The following HS3ST4 variants were observed in gnomAD, a reference collection of about 807,000 sequenced individuals.
HS3ST4 encodes the protein heparan sulfate glucosamine 3-O-sulfotransferase 4.
Under a neutral mutation model 29.2 loss-of-function variants are expected in HS3ST4, and 17 were observed. The ratio of observed to expected loss-of-function variants is 0.58; its 90% CI spans 0.40 to 0.87. The LOEUF is 0.87. HS3ST4 is among the 40% of genes least tolerant of loss of function. HS3ST4 has a pLI of 0.00. For synonymous variants in HS3ST4, 314 were observed against 285.7 expected (o/e 1.10, Z -1.00); for missense variants, 627 against 634.5 (o/e 0.99, Z 0.13).
chr16:26,083,839 G>T (rs1898753341), intron 1 of HS3ST4, among the ~76,000 whole-genome samples: 1 of 152,200 alleles, frequency 6.6e-6, no homozygotes, highest in South Asian at 2.1e-4. Context: ...AGATTATAGG[G>T]CTACTTTATT....
intron 1 of HS3ST4, among the ~76,000 whole-genome samples, chr16:25,888,116 T>A (rs950431814): frequency 3.9e-5 from 6 of 152,186 alleles, no homozygotes; most frequent in African/African-American, 1.2e-4. Context: ...TGTGACTAAT[T>A]GCTTAATGTG....
At chr16:25,766,936 C>T (rs900055684) in intron 1 of HS3ST4, among the ~76,000 whole-genome samples, 4 of 152,160 alleles carry the variant, frequency 2.6e-5, no homozygotes, top group Non-Finnish European at 4.4e-5. Context: ...GGGCAAGAGC[C>T]TCCCACTTCC....
chr16:25,780,119 G>A (rs568791049), intron 1 of HS3ST4, among the ~76,000 whole-genome samples: 4 of 152,326 alleles, frequency 2.6e-5, no homozygotes, highest in Non-Finnish European at 5.9e-5. Flanking sequence ...CTGTGAATGA[G>A]TTCCTCAGTG....
intron 1 of HS3ST4, among the ~76,000 whole-genome samples, chr16:26,097,098 G>A (rs2141794032): frequency 6.6e-6 from 1 of 152,280 alleles, no homozygotes; most frequent in Non-Finnish European, 1.5e-5. Flanking sequence ...ACAAACAAAT[G>A]GAAGAACATT....
In HS3ST4 at chr16:26,113,530, C is replaced by A. The variant is rs182265911; in HGVS notation, c.735-22082C>A. ...TGTGTATGCAAGAGGAAGATAAACA[C>A]AAAATTCAGGAAAGCAATATTTTAG... On this transcript the variant is annotated intron_variant, in intron 1 of 1. Coordinates refer to ENST00000331351, the MANE Select transcript of HS3ST4 (RefSeq NM_006040.3). 2.9e-3 allele frequency among the ~76,000 whole-genome samples: 420 copies of A among 145,478 alleles called. 1 individual carries two copies. Among genetic ancestry groups the A allele is most frequent in the African/African-American group, 0.01 (401 of 39,198 alleles).
intron 1 of HS3ST4, among the ~76,000 whole-genome samples, chr16:25,974,340 TTAGA>T (rs1307083320): frequency 6.6e-6 from 1 of 152,186 alleles, no homozygotes; most frequent in African/African-American, 2.4e-5. Flanking sequence ...CTGTGACATC[TTAGA>T]TAGTATTATG....
At chr16:25,728,410 T>C (rs1966550946) in intron 1 of HS3ST4, among the ~76,000 whole-genome samples, 1 of 152,242 alleles carries the variant, frequency 6.6e-6, no homozygotes, top group African/African-American at 2.4e-5. Context: ...TCTGTGCTTA[T>C]TATTTTGATT....
At chr16:26,122,149 A>G (rs1013149960) in intron 1 of HS3ST4, among the ~76,000 whole-genome samples, 5 of 146,486 alleles carry the variant, frequency 3.4e-5, no homozygotes, top group African/African-American at 1.0e-4. Flanking sequence ...CCACATCCCT[A>G]TGGATACTAA....
intron 1 of HS3ST4, among the ~76,000 whole-genome samples, chr16:25,962,619 G>A (rs766939519): frequency 5.3e-5 from 8 of 152,240 alleles, no homozygotes; most frequent in Non-Finnish European, 1.2e-4. Context: ...CAGTAACTCA[G>A]GGATCCAGCC....
At chr16:25,894,468 G>C (rs1968040004) in intron 1 of HS3ST4, among the ~76,000 whole-genome samples, 1 of 151,954 alleles carries the variant, frequency 6.6e-6, no homozygotes, top group South Asian at 2.1e-4. Context: ...TAATACTGTG[G>C]CGTCCTGTGG....
chr16:26,066,815 C>G (rs1898548443), intron 1 of HS3ST4, among the ~76,000 whole-genome samples: 1 of 152,178 alleles, frequency 6.6e-6, no homozygotes, highest in Admixed American at 6.5e-5. Context: ...CTTTCTATGA[C>G]CAAAGGAAGG....
intron 1 of HS3ST4, among the ~76,000 whole-genome samples, chr16:25,866,875 C>A (rs1027073377): frequency 6.6e-6 from 1 of 152,158 alleles, no homozygotes; most frequent in Non-Finnish European, 1.5e-5. Context: ...GCACTTATTA[C>A]TGAGGAATCA....
chr16:25,803,552 T>C (rs57448510), intron 1 of HS3ST4, among the ~76,000 whole-genome samples: 25,087 of 152,136 alleles, frequency 0.16, 2,972 homozygotes, highest in African/African-American at 0.34. Context: ...CAAATTATTA[T>C]TTTTAAATTC....
chr16:25,910,433 G>C (rs1221528879), intron 1 of HS3ST4, among the ~76,000 whole-genome samples: 3 of 152,104 alleles, frequency 2.0e-5, no homozygotes, highest in African/African-American at 7.2e-5. Context: ...CTGAGGTCAG[G>C]AGTTTGAGAC....
intron 1 of HS3ST4, among the ~76,000 whole-genome samples, chr16:25,846,175 T>A (rs1391185638): frequency 6.6e-6 from 1 of 152,222 alleles, no homozygotes; most frequent in East Asian, 1.9e-4. Flanking sequence ...CTGTCCTTTT[T>A]ATCAGAAAGC....
At chr16:25,980,451 G>A (rs1439502611) in intron 1 of HS3ST4, among the ~76,000 whole-genome samples, 1 of 152,084 alleles carries the variant, frequency 6.6e-6, no homozygotes, top group Non-Finnish European at 1.5e-5. Flanking sequence ...TTGACACCCT[G>A]TACTCCCTGA....
chr16:26,119,581 G>A (rs897981199), intron 1 of HS3ST4, among the ~76,000 whole-genome samples: 3 of 152,152 alleles, frequency 2.0e-5, no homozygotes, highest in Non-Finnish European at 4.4e-5. Flanking sequence ...GGAGGGAGGG[G>A]ATGCTGCAAT....
intron 1 of HS3ST4, among the ~76,000 whole-genome samples, chr16:26,000,527 C>G (rs117795397): frequency 6.6e-6 from 1 of 152,140 alleles, no homozygotes; most frequent in East Asian, 1.9e-4. Context: ...CAGCCCTGGT[C>G]CTTAATGATA....
chr16:25,803,814 T>G (rs1346300170), intron 1 of HS3ST4, among the ~76,000 whole-genome samples: 1 of 152,136 alleles, frequency 6.6e-6, no homozygotes, highest in African/African-American at 2.4e-5. Flanking sequence ...AGTCTCTGCT[T>G]CTTGGTTTGT....
Sources: allele counts gnomAD v4.1 joint callset (sites outside exome capture counted in the v4.1 genomes callset), GRCh38; gene constraint gnomAD v4.1.1; transcripts MANE v1.5; gene names NCBI Gene and HGNC (gene_info 2026-07-23, HGNC 2026-07-21).